Variants in RIMS2 observed in about 807,000 individuals in gnomAD.
RIMS2 encodes regulating synaptic membrane exocytosis 2.
A neutral mutation model predicts 174.4 loss-of-function variants in RIMS2; 59 were observed. That is an observed-to-expected ratio of 0.34 (90% CI 0.27 to 0.42). The LOEUF (loss-of-function observed/expected upper bound fraction) is 0.42. Among genes scored for constraint, RIMS2 ranks in the 10% least tolerant of loss-of-function variants. RIMS2 has a pLI of 1.00. For missense variants in RIMS2, 1,620 were observed against 1,666.3 expected (o/e 0.97, Z 0.48); for synonymous variants, 606 against 572.5 (o/e 1.06, Z -0.84).
At chr8:104,192,515 T>A (rs907748187) in intron 19 of RIMS2, among the ~76,000 whole-genome samples, 7 of 152,170 alleles carry the variant, frequency 4.6e-5, no homozygotes, top group Non-Finnish European at 8.8e-5. Flanking sequence ...GAGATAAAAA[T>A]TTTTATTTTC....
intron 19 of RIMS2, among the ~76,000 whole-genome samples, chr8:104,196,027 A>G (rs1161958970): frequency 6.6e-6 from 1 of 152,184 alleles, no homozygotes; most frequent in African/African-American, 2.4e-5. Flanking sequence ...TCAAAGACCT[A>G]ATATGACTAT....
At chr8:103,933,579 C>T (rs35761468) in intron 12 of RIMS2, among the ~76,000 whole-genome samples, 29,494 of 152,076 alleles carry the variant, frequency 0.19, 3,559 homozygotes, top group South Asian at 0.36. Context: ...TTTGTCAACA[C>T]CAAGGAATGT....
intron 1 of RIMS2, 196 bp downstream of exon 1, chr8:103,501,258 GAGGGCGCCA>G (rs1034853756): frequency 3.0e-6 from 1 of 337,120 alleles, no homozygotes; most frequent in African/African-American, 2.2e-5. Context: ...GTCGGGGAGG[GAGGGCGCCA>G]AGGCCGGCTG....
downstream of RIMS2, chr8:104,255,061 G>A (rs1588332645): frequency 6.6e-6 from 1 of 152,130 alleles, no homozygotes; most frequent in Non-Finnish European, 1.5e-5. Flanking sequence ...AAATTTAAGA[G>A]CTAGTTTGGA....
rs35523485 is a variant in RIMS2, at chr8:103,577,886, G to GT, written c.176+76830dup. ...TAAGAATTAGTGAGTTCAAAGACAA[G>GT]TTTTTTGAAAATACTGAAATATGAA... is the stretch of plus-strand genomic sequence containing the variant. On this transcript the variant is annotated intron_variant, in intron 1 of 23. Transcript: ENST00000504942. 1.3e-3 allele frequency among the ~76,000 whole-genome samples: 193 copies of GT among 152,106 alleles called. 7 individuals carry two copies. In the East Asian group the frequency reaches 0.035, roughly 27 times the overall value.
At chr8:103,715,259 C>A (rs1328698246) in intron 2 of RIMS2, among the ~76,000 whole-genome samples, 1 of 152,112 alleles carries the variant, frequency 6.6e-6, no homozygotes, top group Admixed American at 6.6e-5. Context: ...CCTATCAGCC[C>A]ATCACCTAGG....
chr8:103,857,136 C>G (rs2099032436), intron 3 of RIMS2, among the ~76,000 whole-genome samples: 1 of 152,096 alleles, frequency 6.6e-6, no homozygotes, highest in African/African-American at 2.4e-5. Flanking sequence ...TAAAATTTTA[C>G]TCAGGATGGT....
At chr8:103,943,440 T>G (rs2083008070) in intron 14 of RIMS2, among the ~76,000 whole-genome samples, 1 of 152,186 alleles carries the variant, frequency 6.6e-6, no homozygotes, top group Non-Finnish European at 1.5e-5. Flanking sequence ...ATCCTCTCTC[T>G]ATGCCTCACT....
intron 4 of RIMS2, among the ~76,000 whole-genome samples, chr8:103,887,916 T>C (rs2099215102): frequency 6.6e-6 from 1 of 151,602 alleles, no homozygotes; most frequent in East Asian, 1.9e-4. Context: ...CTAAGTAGTA[T>C]AAAGATGCAA....
At chr8:104,049,152 G>C (rs1301173508) in intron 19 of RIMS2, among the ~76,000 whole-genome samples, 1 of 151,024 alleles carries the variant, frequency 6.6e-6, no homozygotes, top group Admixed American at 6.6e-5. Context: ...AGGCCGGGCG[G>C]TGGCTCACGC....
Position 103,808,101 on chromosome 8 carries a change from G to A in RIMS2, c.698+41564G>A, listed in dbSNP as rs528042182. 7.3e-4 allele frequency among the ~76,000 whole-genome samples: 111 copies of A among 152,250 alleles called. 1 individual carries two copies. Among genetic ancestry groups the A allele is most frequent in the Admixed American group, 4.1e-3 (63 of 15,270 alleles). On this transcript the variant is annotated intron_variant, in intron 3 of 23. Coordinates refer to ENST00000504942, the Ensembl canonical transcript of RIMS2. ...TAGATCTGGGTTTTATGGATTGAGT[G>A]ATTTCAGGCCAAAAGAGCTATTTTC...
intron 2 of RIMS2, among the ~76,000 whole-genome samples, chr8:103,720,606 A>G (rs1458574164): frequency 6.6e-6 from 1 of 152,326 alleles, no homozygotes; most frequent in East Asian, 1.9e-4. Context: ...CATTAGTCCT[A>G]TTGTATTGTA....
At chr8:103,900,894 C>T (rs2099324634) in intron 4 of RIMS2, among the ~76,000 whole-genome samples, 1 of 152,006 alleles carries the variant, frequency 6.6e-6, no homozygotes, top group African/African-American at 2.4e-5. Flanking sequence ...TTTCCCTTAG[C>T]CTCCTGATTA....
At chr8:103,972,182 T>G (rs904934672) in intron 15 of RIMS2, among the ~76,000 whole-genome samples, 1 of 152,200 alleles carries the variant, frequency 6.6e-6, no homozygotes. Flanking sequence ...CACTTGGAAA[T>G]GTAGTAGGTA....
intron 2 of RIMS2, among the ~76,000 whole-genome samples, chr8:103,752,314 C>G (rs2097903908): frequency 6.6e-6 from 1 of 152,090 alleles, no homozygotes; most frequent in Non-Finnish European, 1.5e-5. Context: ...ATCTATATCT[C>G]TGTTTTGGTA....
At chr8:104,148,581 A>G (rs767867179) in intron 19 of RIMS2, 26 bp from the exon 25 acceptor site, 3 of 1,582,818 alleles carry the variant, frequency 1.9e-6, no homozygotes, top group East Asian at 4.5e-5. Flanking sequence ...TCTTGTCCTC[A>G]CTTTTAATGA....
intron 1 of RIMS2, among the ~76,000 whole-genome samples, chr8:103,609,111 G>A (rs2095271695): frequency 6.6e-6 from 1 of 152,134 alleles, no homozygotes; most frequent in Admixed American, 6.5e-5. Context: ...GATTAGTGAT[G>A]TTGAGCATTT....
At chr8:103,834,980 A>G (rs958736129) in intron 3 of RIMS2, among the ~76,000 whole-genome samples, 4 of 151,740 alleles carry the variant, frequency 2.6e-5, no homozygotes, top group African/African-American at 9.7e-5. Context: ...CATGTTGTCC[A>G]GGCGGGTCTT....
intron 2 of RIMS2, among the ~76,000 whole-genome samples, chr8:103,754,956 T>G (rs1245979323): frequency 6.6e-6 from 1 of 152,212 alleles, no homozygotes; most frequent in Non-Finnish European, 1.5e-5. Flanking sequence ...TATGTGTGAA[T>G]TTGATCCTGC....
Sources: allele counts gnomAD v4.1 joint callset (sites outside exome capture counted in the v4.1 genomes callset), GRCh38; gene constraint gnomAD v4.1.1; transcripts MANE v1.5; gene names NCBI Gene and HGNC (gene_info 2026-07-23, HGNC 2026-07-21).